Variants in ROBO2 observed in about 807,000 individuals in gnomAD.
ROBO2 encodes roundabout homolog 2.
ROBO2 carries 53 observed loss-of-function variants against 160.8 expected under a neutral mutation model. That is an observed-to-expected ratio of 0.33 (90% CI 0.26 to 0.41). ROBO2 has a LOEUF of 0.41. ROBO2 is among the 10% of genes least tolerant of loss of function. The pLI is 1.00. For missense variants in ROBO2, 1,577 were observed against 1,722.4 expected (o/e 0.92, Z 1.49); for synonymous variants, 664 against 611.7 (o/e 1.09, Z -1.26).
intron 2 of ROBO2, among the ~76,000 whole-genome samples, chr3:76,179,122 T>G (rs930026403): frequency 2.6e-5 from 4 of 152,218 alleles, no homozygotes; most frequent in South Asian, 2.1e-4. Flanking sequence ...CATTCGGAAT[T>G]AATGAGACAT....
intron 23 of ROBO2, among the ~76,000 whole-genome samples, chr3:77,626,664 A>C (rs1201138545): frequency 6.6e-6 from 1 of 152,194 alleles, no homozygotes; most frequent in Non-Finnish European, 1.5e-5. Flanking sequence ...CCAGGAAAAA[A>C]GAAACAGAAG....
rs2059541519 is a variant in ROBO2, at chr3:76,970,935, T to C, written c.110-127079T>C. ...TGAAATACATGTTATTTTCATCTTA[T>C]GAGCAAGTAAAATTGAGTTGGATAA... On this transcript the variant is annotated intron_variant, in intron 2 of 26. Coordinates refer to the ROBO2 transcript ENST00000487694. Among the ~76,000 whole-genome samples the C allele has an allele frequency of 2.0e-5, 3 of 152,302 alleles. No individual in the cohort carries two copies. The Middle Eastern group carries it at 0.01, about 518-fold the overall frequency.
chr3:76,828,819 C>T (rs563549745), intron 2 of ROBO2, among the ~76,000 whole-genome samples: 1 of 152,038 alleles, frequency 6.6e-6, no homozygotes, highest in African/African-American at 2.4e-5. Flanking sequence ...TTCTAATCAA[C>T]CTGACATAGC....
At chr3:77,095,368 T>C (rs529943131) in intron 1 of ROBO2, among the ~76,000 whole-genome samples, 7 of 152,298 alleles carry the variant, frequency 4.6e-5, no homozygotes, top group African/African-American at 1.7e-4. Flanking sequence ...ACTTTTTCTT[T>C]TATAAATCAA....
Position 77,168,715 on chromosome 3 carries a change from T to A in ROBO2, c.388+70375T>A, listed in dbSNP as rs145065664. Among the ~76,000 whole-genome samples, 716 of 152,314 alleles carry A rather than the reference T, an allele frequency of 4.7e-3. 4 individuals are homozygous for A. The highest frequency in any genetic ancestry group is 0.014 in the Middle Eastern group (4 of 294). ...GGGAACTTAAAACAAACAAAAAGTC[T>A]GCTGAGTCTGGGATGTTTTAAGGAT... On this transcript the variant is annotated intron_variant, in intron 2 of 25. Transcript: ENST00000461745.
chr3:76,857,924 C>T (rs895779124), intron 2 of ROBO2, among the ~76,000 whole-genome samples: 1 of 152,102 alleles, frequency 6.6e-6, no homozygotes, highest in Admixed American at 6.6e-5. Context: ...TTAAAAAGGC[C>T]GTGCATTCTC....
chr3:77,215,484 A>AT (rs776903590), intron 2 of ROBO2, among the ~76,000 whole-genome samples: 1 of 151,580 alleles, frequency 6.6e-6, no homozygotes, highest in South Asian at 2.1e-4. Context: ...CATTTGTCTA[A>AT]TTTTTTTTCA....
chr3:75,928,027 C>A (rs903579159), intron 1 of ROBO2, among the ~76,000 whole-genome samples: 2 of 140,532 alleles, frequency 1.4e-5, no homozygotes, highest in African/African-American at 5.4e-5. Context: ...CTCTGCCCCC[C>A]AGGCTGGAGT....
chr3:76,838,413 G>T (rs969825683), intron 2 of ROBO2, among the ~76,000 whole-genome samples: 1 of 151,998 alleles, frequency 6.6e-6, no homozygotes, highest in Non-Finnish European at 1.5e-5. Flanking sequence ...TATTTTAGCA[G>T]AAATTCACTT....
chr3:75,939,655 G>A (rs373397564), intron 2 of ROBO2, among the ~76,000 whole-genome samples: 3 of 152,160 alleles, frequency 2.0e-5, no homozygotes, highest in African/African-American at 7.2e-5. Context: ...TAGATTGAGT[G>A]AAGGAGATTG....
intron 2 of ROBO2, among the ~76,000 whole-genome samples, chr3:76,219,377 A>T (rs1490634130): frequency 6.6e-6 from 1 of 152,212 alleles, no homozygotes; most frequent in Non-Finnish European, 1.5e-5. Context: ...CCACCATCAG[A>T]GTGAACAGGC....
chr3:76,919,301 G>A (rs1303804577), intron 2 of ROBO2, among the ~76,000 whole-genome samples: 1 of 152,122 alleles, frequency 6.6e-6, no homozygotes. Context: ...TAATTCTGAT[G>A]ATACAATTGC....
chr3:77,268,842 A>AC (rs780116283), intron 2 of ROBO2, among the ~76,000 whole-genome samples: 15 of 152,066 alleles, frequency 9.9e-5, no homozygotes, highest in Non-Finnish European at 2.2e-4. Flanking sequence ...AGCCTGGGGG[A>AC]GTGTAGGAAG....
At chr3:77,267,377 C>T (rs145369589) in intron 2 of ROBO2, among the ~76,000 whole-genome samples, 3 of 152,234 alleles carry the variant, frequency 2.0e-5, no homozygotes, top group Non-Finnish European at 2.9e-5. Context: ...CAGGGAAACT[C>T]GGCAGAAAGA....
At chr3:77,626,562 G>A (rs926739776) in intron 23 of ROBO2, among the ~76,000 whole-genome samples, 4 of 152,118 alleles carry the variant, frequency 2.6e-5, no homozygotes, top group Non-Finnish European at 4.4e-5. Flanking sequence ...CCAAACCGTT[G>A]GGTAACGGGG....
intron 2 of ROBO2, among the ~76,000 whole-genome samples, chr3:76,700,514 A>G (rs934064710): frequency 6.6e-6 from 1 of 152,152 alleles, no homozygotes; most frequent in Non-Finnish European, 1.5e-5. Context: ...TTCTAATGCC[A>G]GGAAACCTCT....
intron 1 of ROBO2, among the ~76,000 whole-genome samples, chr3:77,077,956 C>T (rs2068185709): frequency 6.6e-6 from 1 of 152,086 alleles, no homozygotes; most frequent in Admixed American, 6.6e-5. Context: ...GCCTCCTTGG[C>T]ACTCAAGTCT....
chr3:76,132,801 TTA>T (rs1425319483), intron 2 of ROBO2, among the ~76,000 whole-genome samples: 1 of 152,156 alleles, frequency 6.6e-6, no homozygotes. Flanking sequence ...GCTCTTTTTC[TTA>T]TATGTGAATA....
intron 2 of ROBO2, among the ~76,000 whole-genome samples, chr3:76,358,257 A>G (rs996984055): frequency 3.9e-5 from 6 of 151,920 alleles, no homozygotes; most frequent in African/African-American, 1.2e-4. Flanking sequence ...CCCCACTCCA[A>G]AAAGGACACC....
Sources: gnomAD v4.1 joint callset for allele counts (sites outside exome capture counted in the v4.1 genomes callset) on GRCh38, gnomAD v4.1.1 for gene constraint, MANE v1.5 for transcripts, NCBI Gene and HGNC (gene_info 2026-07-23, HGNC 2026-07-21) for gene names.